FARP2: variants seen among roughly 807,000 people sequenced by gnomAD.
The protein encoded by FARP2 is FERM, ARH/RhoGEF and pleckstrin domain protein 2, also known as FERM, ARHGEF and pleckstrin domain-containing protein 2.
A neutral mutation model predicts 130.5 loss-of-function variants in FARP2; 111 were observed. The ratio of observed to expected loss-of-function variants is 0.85; its 90% CI spans 0.73 to 1.00. FARP2 has a LOEUF of 1.00. Among genes scored for constraint, FARP2 ranks in the 50% least tolerant of loss-of-function variants. The pLI, the probability that FARP2 is intolerant of heterozygous loss-of-function variation, is 0.00. For synonymous variants in FARP2, 504 were observed against 516.9 expected (o/e 0.98, Z 0.34); for missense variants, 1,385 against 1,346.3 (o/e 1.03, Z -0.45).
intron 12 of FARP2, among the ~76,000 whole-genome samples, chr2:241,438,803 T>TTG (rs1553724101): frequency 1.3e-5 from 2 of 151,590 alleles, no homozygotes; most frequent in Admixed American, 6.6e-5. Flanking sequence ...TAATTTTTTT[T>TTG]TATTTTTCAG....
At chr2:241,432,597 C>T (rs549201837) in intron 9 of FARP2, among the ~76,000 whole-genome samples, 2 of 152,272 alleles carry the variant, frequency 1.3e-5, no homozygotes, top group South Asian at 4.1e-4. Flanking sequence ...ATTGAAGAAG[C>T]CTTGATTATC....
chr2:241,369,141 G>A (rs557341346), intron 1 of FARP2, among the ~76,000 whole-genome samples: 3 of 152,192 alleles, frequency 2.0e-5, no homozygotes, highest in East Asian at 3.9e-4. Context: ...GTGTGCAAAC[G>A]TGTAAAGATT....
intron 14 of FARP2, among the ~76,000 whole-genome samples, chr2:241,461,416 G>A (rs2150469455): frequency 6.6e-6 from 1 of 151,778 alleles, no homozygotes; most frequent in Admixed American, 6.6e-5. Flanking sequence ...GGTCCAGAAG[G>A]CCCACGTGGC....
chr2:241,469,220 G>A (rs981992033), intron 18 of FARP2, among the ~76,000 whole-genome samples: 2 of 151,890 alleles, frequency 1.3e-5, no homozygotes, highest in African/African-American at 2.4e-5. Flanking sequence ...CCAAGTAGCC[G>A]GTATTACAGG....
rs1324991744 is a variant in FARP2, at chr2:241,356,313, T to A, written c.-100T>A. The A allele has an allele frequency of 2.6e-5, 4 of 152,148 alleles. No individual in the cohort carries two copies. Among genetic ancestry groups the A allele is most frequent in the Non-Finnish European group, 5.9e-5 (4 of 68,010 alleles). 9.4% of individuals were successfully genotyped at this position (152,148 alleles called of 1,614,324 possible). On this transcript the variant is annotated 5_prime_UTR_variant, in exon 1 of 27. Transcript: ENST00000264042. ...TGGGAGCAGGCGACGCCGACGCGAG[T>A]CTGGCGGCTGCTGCTTGCGACTGCG...
chr2:241,390,438 G>A (rs971251923), intron 2 of FARP2, among the ~76,000 whole-genome samples: 6 of 151,984 alleles, frequency 3.9e-5, no homozygotes, highest in African/African-American at 1.5e-4. Context: ...TCCTAAATTT[G>A]GATTTTCTTT....
At position 241,371,438 on chromosome 2, in the gene FARP2, G is replaced by A. The variant is rs149289654; in HGVS notation, c.-24-1646G>A. On this transcript the variant is annotated intron_variant, in intron 1 of 26. Coordinates refer to ENST00000264042, the MANE Select transcript of FARP2 (RefSeq NM_014808.4). The stretch of plus-strand genomic sequence containing the variant: ...GGTGGAGGTTGCAGTGAACCAAGAT[G>A]GGGCCAGTGCACTTCAGCCTGGGCA... Among the ~76,000 whole-genome samples, 872 of 152,286 alleles carry A rather than the reference G, an allele frequency of 5.7e-3. 15 individuals are homozygous for A. The highest frequency in any genetic ancestry group is 0.02 in the African/African-American group (811 of 41,552).
At chr2:241,362,423 G>A (rs2150280717) in intron 1 of FARP2, among the ~76,000 whole-genome samples, 1 of 151,988 alleles carries the variant, frequency 6.6e-6, no homozygotes, top group East Asian at 2.0e-4. Flanking sequence ...CTAACATGGT[G>A]AAACCCCATC....
intron 2 of FARP2, among the ~76,000 whole-genome samples, chr2:241,391,406 C>T (rs1479391191): frequency 6.6e-6 from 1 of 152,106 alleles, no homozygotes; most frequent in Admixed American, 6.6e-5. Context: ...TCTTGATGTG[C>T]CCTTGCCCAG....
chr2:241,356,937 C>T (rs1559695083), intron 1 of FARP2, among the ~76,000 whole-genome samples: 2 of 152,236 alleles, frequency 1.3e-5, no homozygotes, highest in Non-Finnish European at 2.9e-5. Context: ...TATTTTTACT[C>T]CACTAAGGGC....
At chr2:241,403,650 AG>A (rs1289120124) in intron 2 of FARP2, among the ~76,000 whole-genome samples, 177 bp from the exon 3 acceptor site, 1 of 152,206 alleles carries the variant, frequency 6.6e-6, no homozygotes, top group East Asian at 1.9e-4. Flanking sequence ...TTTTGTTGCC[AG>A]TTTCTGAGCA....
chr2:241,478,045 T>G (rs1287227403), intron 19 of FARP2: 2 of 152,282 alleles, frequency 1.3e-5, no homozygotes, highest in African/African-American at 4.8e-5. Context: ...GGGTTGTCTT[T>G]TCACTGTCTT....
intron 1 of FARP2, among the ~76,000 whole-genome samples, chr2:241,361,815 A>G (rs2150279478): frequency 6.6e-6 from 1 of 152,106 alleles, no homozygotes; most frequent in African/African-American, 2.4e-5. Context: ...TGAAGGAGGA[A>G]CTACTTTTAG....
At chr2:241,359,742 T>C (rs886622685) in intron 1 of FARP2, among the ~76,000 whole-genome samples, 12 of 152,244 alleles carry the variant, frequency 7.9e-5, no homozygotes, top group African/African-American at 2.9e-4. Context: ...TGTATCTTTG[T>C]GTGCTCTGTG....
chr2:241,476,817 G>A (rs1284369908), intron 19 of FARP2, among the ~76,000 whole-genome samples: 4 of 151,998 alleles, frequency 2.6e-5, no homozygotes, highest in South Asian at 2.1e-4. Context: ...CATCAATGTC[G>A]AATTCAGAAC....
chr2:241,385,618 G>A (rs1259369054), intron 2 of FARP2, among the ~76,000 whole-genome samples: 1 of 152,092 alleles, frequency 6.6e-6, no homozygotes, highest in Non-Finnish European at 1.5e-5. Context: ...TACTCAGGAG[G>A]CTAAGGTGGG....
At position 241,373,202 on chromosome 2, in the gene FARP2, G is replaced by C; in HGVS notation, c.95G>C (p.Gly32Ala). Residue 32 changes from glycine (G) to alanine (A), a missense_variant, in exon 2 of 27, where the codon GGG becomes GCG. Gly to Ala is a moderately conservative substitution (Grantham distance 60). Coordinates refer to ENST00000264042, the MANE Select transcript of FARP2 (RefSeq NM_014808.4). ...GTGGGAGTTAGCACCCTTGAGCCTG[G>C]GCAGACTCTCTTGCCCAGAATGCAA... ...TPVGVSTLEP[G>A]QTLLPRMQEK... The C allele has an allele frequency of 6.3e-7, 1 of 1,581,976 alleles. No individual in the cohort carries two copies. Among genetic ancestry groups the C allele is most frequent in the Non-Finnish European group, 8.6e-7 (1 of 1,159,036 alleles).
At chr2:241,465,750 G>A (rs1414620991) in intron 17 of FARP2, 9 of 1,550,660 alleles carry the variant, frequency 5.8e-6, no homozygotes, top group East Asian at 2.4e-5. Flanking sequence ...CCACAGTGAC[G>A]ACGACGACTC....
intron 24 of FARP2, among the ~76,000 whole-genome samples, chr2:241,492,471 C>T (rs1270755249): frequency 1.3e-5 from 2 of 152,268 alleles, no homozygotes; most frequent in East Asian, 3.8e-4. Context: ...AGCCCAGCCA[C>T]TCCAGCGCCA....
Sources: gnomAD v4.1 joint callset for allele counts (sites outside exome capture counted in the v4.1 genomes callset) on GRCh38, gnomAD v4.1.1 for gene constraint, MANE v1.5 for transcripts, NCBI Gene and HGNC (gene_info 2026-07-23, HGNC 2026-07-21) for gene names.